The following SOX6 variants were observed in gnomAD, a reference collection of about 807,000 sequenced individuals.
SOX6 encodes the protein transcription factor SOX-6.
A neutral mutation model predicts 97.8 loss-of-function variants in SOX6; 11 were observed. That is an observed-to-expected ratio of 0.11 (90% confidence interval 0.07 to 0.19). SOX6 has a LOEUF of 0.19. SOX6 is among the 10% of genes least tolerant of loss of function. The probability of loss-of-function intolerance (pLI) is 1.00; values close to 1 mark genes in which losing one functional copy is unlikely to be tolerated. For missense variants in SOX6, 810 were observed against 1,039.5 expected, an observed-to-expected ratio of 0.78 and a Z score of 3.04; for synonymous variants, 360 against 371.4, an observed-to-expected ratio of 0.97 and a Z score of 0.35.
chr11:16,287,187 G>A (rs1413879460), intron 3 of SOX6, among the ~76,000 whole-genome samples: 1 of 151,622 alleles, frequency 6.6e-6, no homozygotes, highest in African/African-American at 2.4e-5. Flanking sequence ...GTATTTGGGG[G>A]CAAAGAGATG....
chr11:16,438,239 A>G (rs1859425663), intron 1 of SOX6, among the ~76,000 whole-genome samples: 1 of 152,202 alleles, frequency 6.6e-6, no homozygotes. Flanking sequence ...ATTCAAGTAA[A>G]GAGTATATAG....
chr11:16,537,555 C>T (rs542272700), intron 4 of SOX6, among the ~76,000 whole-genome samples: 7 of 152,184 alleles, frequency 4.6e-5, no homozygotes, highest in Non-Finnish European at 7.4e-5. Flanking sequence ...TCTAACCCAT[C>T]GCAAGGAAGC....
intron 2 of SOX6, among the ~76,000 whole-genome samples, chr11:16,729,633 T>C (rs978349953): frequency 1.3e-5 from 2 of 152,060 alleles, no homozygotes; most frequent in African/African-American, 4.8e-5. Flanking sequence ...ACATACCAAA[T>C]TGTAAAGACC....
intron 12 of SOX6, among the ~76,000 whole-genome samples, chr11:16,030,948 C>A (rs745621552): frequency 1.0e-3 from 152 of 152,160 alleles, no homozygotes; most frequent in Non-Finnish European, 6.8e-4. Context: ...CCCTTCTGGG[C>A]AGAAATCAGA....
At chr11:16,021,916 T>C (rs1439098721) in intron 12 of SOX6, among the ~76,000 whole-genome samples, 1 of 152,064 alleles carries the variant, frequency 6.6e-6, no homozygotes, top group Admixed American at 6.6e-5. Flanking sequence ...GAAAATACTA[T>C]TGTTATCAAC....
intron 3 of SOX6, among the ~76,000 whole-genome samples, chr11:16,626,908 C>G (rs1055534124): frequency 6.6e-6 from 1 of 152,140 alleles, no homozygotes; most frequent in African/African-American, 2.4e-5. Flanking sequence ...GTTTGGGGTA[C>G]AAATTATCCC....
At chr11:16,042,654 T>C (rs1476484347) in intron 12 of SOX6, among the ~76,000 whole-genome samples, 2 of 152,154 alleles carry the variant, frequency 1.3e-5, no homozygotes, top group Non-Finnish European at 2.9e-5. Context: ...GTTTCAGTTT[T>C]CCCATATGCA....
At chr11:16,548,555 G>T (rs949692948) in intron 4 of SOX6, among the ~76,000 whole-genome samples, 15 of 152,096 alleles carry the variant, frequency 9.9e-5, no homozygotes, top group African/African-American at 3.4e-4. Context: ...TTCTGGCCTT[G>T]GCTTAGGTAA....
chr11:16,570,160 TTGAAGG>T (rs1291764207), intron 4 of SOX6, among the ~76,000 whole-genome samples: 1 of 152,146 alleles, frequency 6.6e-6, no homozygotes, highest in Non-Finnish European at 1.5e-5. Flanking sequence ...CTTTCTCATC[TTGAAGG>T]TACAGTCTTA....
intron 4 of SOX6, among the ~76,000 whole-genome samples, chr11:16,502,141 G>A (rs1055680679): frequency 1.3e-5 from 2 of 152,172 alleles, no homozygotes; most frequent in African/African-American, 4.8e-5. Flanking sequence ...CATAAAAAAT[G>A]ATGAGTTCAT....
At chr11:16,015,075 T>C in intron 12 of SOX6, 25 bp from the exon 13 acceptor site, 1 of 1,598,948 alleles carries the variant, frequency 6.3e-7, no homozygotes, top group South Asian at 1.1e-5. Context: ...AATCAGAGGC[T>C]TATTCTAGTT....
intron 6 of SOX6, among the ~76,000 whole-genome samples, chr11:16,155,949 C>G (rs1336671468): frequency 1.3e-5 from 2 of 151,962 alleles, no homozygotes; most frequent in African/African-American, 4.8e-5. Flanking sequence ...TCTTTAAGAC[C>G]AAAGTTCCAG....
chr11:16,132,412 A>AG (rs1564972432), intron 6 of SOX6, among the ~76,000 whole-genome samples: 3 of 105,338 alleles, frequency 2.8e-5, no homozygotes, highest in Non-Finnish European at 5.3e-5. Context: ...AAAGAAAGAA[A>AG]GAAAGAAAGA....
chr11:16,417,880 A>T (rs1219955196), intron 1 of SOX6, among the ~76,000 whole-genome samples: 1 of 152,204 alleles, frequency 6.6e-6, no homozygotes, highest in Non-Finnish European at 1.5e-5. Context: ...TCTACTATAA[A>T]TTATTTCTCT....
chr11:16,417,017 A>G (rs893916982), intron 1 of SOX6, among the ~76,000 whole-genome samples: 2 of 152,156 alleles, frequency 1.3e-5, no homozygotes, highest in South Asian at 2.1e-4. Flanking sequence ...ATTTAGCTAC[A>G]CTAACCAGCC....
At chr11:16,065,962 C>T in intron 9 of SOX6, among the ~76,000 whole-genome samples, 1 of 152,068 alleles carries the variant, frequency 6.6e-6, no homozygotes, top group East Asian at 1.9e-4. Flanking sequence ...AAACAATCAA[C>T]AAAGTGAAGA....
intron 4 of SOX6, among the ~76,000 whole-genome samples, chr11:16,598,094 AT>A (rs1386767713): frequency 6.6e-6 from 1 of 152,100 alleles, no homozygotes; most frequent in Non-Finnish European, 1.5e-5. Flanking sequence ...ACTATAACAG[AT>A]AACATGTATT....
At chr11:16,684,768 C>G (rs993275959) in intron 3 of SOX6, among the ~76,000 whole-genome samples, 1 of 151,708 alleles carries the variant, frequency 6.6e-6, no homozygotes, top group Non-Finnish European at 1.5e-5. Context: ...AAAGGCCTTT[C>G]TCTTTGGAAA....
At chr11:16,474,319 G>C (rs535855296) in intron 1 of SOX6, among the ~76,000 whole-genome samples, 1 of 152,060 alleles carries the variant, frequency 6.6e-6, no homozygotes, top group Non-Finnish European at 1.5e-5. Flanking sequence ...ATGGTATCTA[G>C]AATGGTGACT....
Sources: allele counts gnomAD v4.1 joint callset (sites outside exome capture counted in the v4.1 genomes callset), GRCh38; gene constraint gnomAD v4.1.1; transcripts MANE v1.5; gene names NCBI Gene and HGNC (gene_info 2026-07-23, HGNC 2026-07-21).